KDM3A: variants seen among roughly 807,000 people sequenced by gnomAD.
KDM3A encodes lysine demethylase 3A, also known as lysine-specific demethylase 3A.
KDM3A carries 60 observed loss-of-function variants against 158.0 expected under a neutral mutation model. That is an observed-to-expected ratio of 0.38 (90% CI 0.31 to 0.47). KDM3A has a LOEUF of 0.47. Among genes scored for constraint, KDM3A ranks in the 20% least tolerant of loss-of-function variants. KDM3A has a pLI of 0.99. For missense variants in KDM3A, 1,319 were observed against 1,574.3 expected, an observed-to-expected ratio of 0.84 and a Z score of 2.74; for synonymous variants, 608 against 549.3, an observed-to-expected ratio of 1.11 and a Z score of -1.49.
chr2:86,444,239 G>A (rs1320348961), intron 2 of KDM3A, among the ~76,000 whole-genome samples: 5 of 152,200 alleles, frequency 3.3e-5, no homozygotes, highest in African/African-American at 1.2e-4. Context: ...GGGAGGCTGC[G>A]AATCCAGATT....
upstream of KDM3A, among the ~76,000 whole-genome samples, chr2:86,439,676 A>G (rs1682577926): frequency 6.6e-6 from 1 of 152,054 alleles, no homozygotes; most frequent in Non-Finnish European, 1.5e-5. Context: ...TATGTCTTCT[A>G]CTCTGAAAAC....
chr2:86,466,820 G>A lies in KDM3A; in HGVS notation c.1456G>A (p.Glu486Lys), dbSNP rs758662457. The A allele has an allele frequency of 6.2e-7, 1 of 1,612,488 alleles. No homozygotes were observed. The highest frequency in any genetic ancestry group is 1.1e-5 in the South Asian group (1 of 90,946). The change falls in exon 10 of 26, where the codon GAA becomes AAA. Residue 486 changes from glutamate (E) to lysine (K), a missense_variant. By Grantham distance (56) the Glu-to-Lys change is moderately conservative. Transcript: ENST00000312912. The part of the protein sequence containing the change: ...ALACRSQNLK[E>K]SSVKVDNESC... ...AGCTTGCCGATCACAGAATTTAAAGGAATCTTCAGTAAAAGTAGATAATGA... is the reference window on the plus strand; with the variant it reads ...AGCTTGCCGATCACAGAATTTAAAGAAATCTTCAGTAAAAGTAGATAATGA...
intron 11 of KDM3A, among the ~76,000 whole-genome samples, chr2:86,473,087 A>G (rs1353427934): frequency 6.6e-6 from 1 of 152,150 alleles, no homozygotes; most frequent in Admixed American, 6.5e-5. Flanking sequence ...AGGCTACTTC[A>G]TTGTGTTTTA....
Position 86,456,865 on chromosome 2 carries a change from C to T in KDM3A, c.742C>T (p.Leu248Phe), listed in dbSNP as rs778209954. The T allele has an allele frequency of 6.2e-7, 1 of 1,610,082 alleles. No individual in the cohort carries two copies. The highest frequency in any genetic ancestry group is 1.3e-5 in the African/African-American group (1 of 74,922). Residue 248 changes from leucine (L) to phenylalanine (F), a missense_variant, in exon 7 of 26, where the codon CTT becomes TTT. Coordinates refer to ENST00000312912, the MANE Select transcript of KDM3A (RefSeq NM_018433.6). ...TCATGTTGAAGTTGTACACGATAAC[C>T]TTGTGACATGTGGTAAGATATGTTA... is the stretch of plus-strand genomic sequence containing the variant. Reference protein sequence around the residue: ...LIHVEVVHDNLVTCGNSARIG... With the variant: ...LIHVEVVHDNFVTCGNSARIG...
intron 15 of KDM3A, chr2:86,479,399 A>G (rs770020962): frequency 6.6e-6 from 1 of 152,178 alleles, no homozygotes; most frequent in African/African-American, 2.4e-5. Flanking sequence ...ATTTGGAGTC[A>G]GAACTGAATT....
intron 3 of KDM3A, 132 bp from the exon 4 acceptor site, chr2:86,450,971 T>G (rs192577683): frequency 5.6e-5 from 32 of 570,218 alleles, no homozygotes; most frequent in Middle Eastern, 3.6e-4. Context: ...ATAGTTGTTA[T>G]GAGATAACTT....
At chr2:86,448,296 T>C (rs1162797270) in intron 2 of KDM3A, among the ~76,000 whole-genome samples, 1 of 152,156 alleles carries the variant, frequency 6.6e-6, no homozygotes, top group Non-Finnish European at 1.5e-5. Context: ...AGGTTTGGGA[T>C]TGGGGCTAAT....
upstream of KDM3A, among the ~76,000 whole-genome samples, chr2:86,437,327 C>T (rs772176274): frequency 5.9e-5 from 9 of 151,842 alleles, no homozygotes; most frequent in South Asian, 2.1e-4. Context: ...TTTACAGTAG[C>T]GATGAGGTCT....
intron 17 of KDM3A, 116 bp from the exon 18 acceptor site, chr2:86,482,342 C>T: frequency 1.3e-6 from 2 of 1,511,724 alleles, no homozygotes; most frequent in Admixed American, 4.4e-5. Flanking sequence ...ACCTTTTTGC[C>T]TGGGGGTCCT....
At chr2:86,450,136 C>T (rs746216925) in intron 3 of KDM3A, among the ~76,000 whole-genome samples, 174 bp downstream of exon 3, 2 of 152,122 alleles carry the variant, frequency 1.3e-5, no homozygotes, top group Non-Finnish European at 2.9e-5. Context: ...TGTTGGACCT[C>T]GTGTTCACTT....
intron 2 of KDM3A, among the ~76,000 whole-genome samples, chr2:86,444,975 T>C (rs1226516632): frequency 2.0e-5 from 3 of 152,158 alleles, no homozygotes; most frequent in African/African-American, 7.2e-5. Context: ...AAAATAATCA[T>C]TAAATGGATA....
chr2:86,465,810 A>G, intron 9 of KDM3A, among the ~76,000 whole-genome samples: 1 of 151,910 alleles, frequency 6.6e-6, no homozygotes, highest in Admixed American at 6.6e-5. Context: ...TGACACATTG[A>G]CCTTTACTAG....
intron 5 of KDM3A, 105 bp downstream of exon 5, chr2:86,455,292 TTC>T: frequency 2.8e-6 from 2 of 707,726 alleles, no homozygotes; most frequent in South Asian, 1.8e-5. Flanking sequence ...AATTTCTTTT[TTC>T]TTTTTTTTTT....
chr2:86,451,440 ATATT>A (rs1465826660), intron 4 of KDM3A, among the ~76,000 whole-genome samples: 1 of 152,232 alleles, frequency 6.6e-6, no homozygotes, highest in African/African-American at 2.4e-5. Context: ...TTTTGTATAT[ATATT>A]ATGTACTGTA....
intron 9 of KDM3A, 143 bp from the exon 10 acceptor site, chr2:86,466,229 C>T: frequency 1.2e-6 from 1 of 825,860 alleles, no homozygotes; most frequent in Non-Finnish European, 1.9e-6. Flanking sequence ...TCACAGAAAT[C>T]TATCCTAAAT....
At chr2:86,452,243 G>A (rs1189090991) in intron 4 of KDM3A, among the ~76,000 whole-genome samples, 1 of 146,064 alleles carries the variant, frequency 6.8e-6, no homozygotes, top group Non-Finnish European at 1.5e-5. Context: ...GCCCCCAAAA[G>A]CAGTGCTGAA....
upstream of KDM3A, among the ~76,000 whole-genome samples, chr2:86,438,899 T>C (rs1007201297): frequency 3.3e-5 from 5 of 152,064 alleles, no homozygotes; most frequent in Middle Eastern, 3.2e-3. Flanking sequence ...CTAGCTGCTT[T>C]GACTCCTTTA....
Position 86,470,151 on chromosome 2 carries a change from A to C in KDM3A, c.1520-53A>C, listed in dbSNP as rs143546611. On this transcript the variant is annotated intron_variant, in intron 10 of 25. Transcript: ENST00000312912. ...TTGAATAGAATTCAGTCATATATGAATGTGATTTTTAAAAATTTGAGGTCC... is the reference window on the plus strand; with the variant it reads ...TTGAATAGAATTCAGTCATATATGACTGTGATTTTTAAAAATTTGAGGTCC... The C allele has an allele frequency of 3.9e-3, 5,507 of 1,426,570 alleles. 26 individuals carry two copies. The highest frequency in any genetic ancestry group is 5.4e-3 in the Middle Eastern group (24 of 4,424). 88.4% of individuals were successfully genotyped at this position (1,426,570 alleles called of 1,614,324 possible). A position where few individuals can be genotyped will look rare whatever the true frequency, so the allele number is the denominator to read the frequency against.
At chr2:86,457,124 A>G in intron 8 of KDM3A, 53 bp downstream of exon 8, 1 of 670,598 alleles carries the variant, frequency 1.5e-6, no homozygotes, top group Non-Finnish European at 2.3e-6. Flanking sequence ...CCAACATTGC[A>G]TGGCTAGTTT....
Sources: gnomAD v4.1 joint callset for allele counts (sites outside exome capture counted in the v4.1 genomes callset) on GRCh38, gnomAD v4.1.1 for gene constraint, MANE v1.5 for transcripts, NCBI Gene and HGNC (gene_info 2026-07-23, HGNC 2026-07-21) for gene names.